The following FAM24B variants were observed in gnomAD, a reference collection of about 807,000 sequenced individuals.
FAM24B encodes family with sequence similarity 24 member B.
In FAM24B, 3 loss-of-function variants were observed where a neutral mutation model predicts 2.3. That is an observed-to-expected ratio of 1.29 (90% CI 0.59 to 3.32). The LOEUF (loss-of-function observed/expected upper bound fraction) is 3.32. Among genes scored for constraint, FAM24B ranks in the 30% most tolerant of loss-of-function variants. The pLI, the probability that FAM24B is intolerant of heterozygous loss-of-function variation, is 0.03. For synonymous variants in FAM24B, 36 were observed against 46.3 expected (o/e 0.78, Z 0.90); for missense variants, 98 against 117.2 (o/e 0.84, Z 0.76).
At chr10:122,849,464 A>T (rs1589666645) in intron 3 of FAM24B, 25 bp from the exon 4 acceptor site, 1 of 1,583,546 alleles carries the variant, frequency 6.3e-7, no homozygotes, top group Admixed American at 1.8e-5. Flanking sequence ...CACACAAAGC[A>T]CAGGCTTAGA....
rs375598108 is a variant in FAM24B at position 122,869,313 on chromosome 10, A to G, written c.-178+10172T>C. 7.2e-5 allele frequency among the ~76,000 whole-genome samples: 11 copies of G among 152,360 alleles called. No homozygotes were observed. The East Asian group carries it at 1.9e-3, about 27-fold the overall frequency. Reference sequence around the variant, plus strand: ...TCCTGAGTGACCTACAAAGAGACTTAGACTCCCACACAATAATAATGGGAG... The same window carrying G: ...TCCTGAGTGACCTACAAAGAGACTTGGACTCCCACACAATAATAATGGGAG... On this transcript the variant is annotated intron_variant, in intron 1 of 3. Coordinates refer to ENST00000368898, the MANE Select transcript of FAM24B (RefSeq NM_152644.3).
intron 1 of FAM24B, among the ~76,000 whole-genome samples, chr10:122,870,181 T>A (rs1847870070): frequency 6.6e-6 from 1 of 151,850 alleles, no homozygotes. Flanking sequence ...AACTAGAAAA[T>A]CTAGAAGAAA....
intron 1 of FAM24B, among the ~76,000 whole-genome samples, chr10:122,856,648 G>A (rs1477738831): frequency 6.6e-6 from 1 of 152,126 alleles, no homozygotes; most frequent in Non-Finnish European, 1.5e-5. Context: ...GTCTAGCCAT[G>A]CTGGGGAGTC....
chr10:122,866,433 T>G (rs1349116535), intron 1 of FAM24B, among the ~76,000 whole-genome samples: 1 of 151,880 alleles, frequency 6.6e-6, no homozygotes, highest in Non-Finnish European at 1.5e-5. Flanking sequence ...AGGCATACCT[T>G]GTTTTACTGT....
intron 1 of FAM24B, among the ~76,000 whole-genome samples, chr10:122,870,443 A>T (rs980581169): frequency 1.3e-5 from 2 of 152,220 alleles, no homozygotes; most frequent in Non-Finnish European, 2.9e-5. Context: ...TTATGAGGCC[A>T]GCATCATTCT....
chr10:122,870,344 T>C (rs1315449736), intron 1 of FAM24B, among the ~76,000 whole-genome samples: 1 of 152,186 alleles, frequency 6.6e-6, no homozygotes, highest in Non-Finnish European at 1.5e-5. Context: ...CACAGCCGAA[T>C]TCTACCAGAG....
chr10:122,849,419 G>A lies in FAM24B; in HGVS notation c.113C>T (p.Ala38Val). Residue 38 changes from alanine to valine, a missense_variant, in exon 4 of 4, where the codon GCT (alanine) becomes GTT (valine). Physicochemically the swap from Ala to Val is moderately conservative, Grantham distance 64. Coordinates refer to ENST00000368898, the MANE Select transcript of FAM24B (RefSeq NM_152644.3). Reference sequence around the variant, plus strand: ...TGGGTTGTGATTTTTTACAGCCACAGCTTCAGGTTCCTTTGCAGCTCTTGA... The same window carrying A: ...TGGGTTGTGATTTTTTACAGCCACAACTTCAGGTTCCTTTGCAGCTCTTGA... ...NALKAAKEPE[A>V]VAVKNHNPDK... The A allele has an allele frequency of 3.1e-6, 5 of 1,609,970 alleles. No homozygotes were observed. In the South Asian group the frequency reaches 5.5e-5, roughly 18 times the overall value.
chr10:122,872,792 G>T (rs1198338721), intron 1 of FAM24B, among the ~76,000 whole-genome samples: 1 of 152,130 alleles, frequency 6.6e-6, no homozygotes, highest in Non-Finnish European at 1.5e-5. Context: ...GTGGTGGGGT[G>T]GGAGGAGGGG....
chr10:122,855,122 C>G (rs1433717592), intron 2 of FAM24B: 1 of 152,202 alleles, frequency 6.6e-6, no homozygotes, highest in Non-Finnish European at 1.5e-5. Flanking sequence ...GGTTTTGCCC[C>G]AGAGAGAGGA....
intron 1 of FAM24B, among the ~76,000 whole-genome samples, chr10:122,858,983 C>T (rs1847685365): frequency 6.6e-6 from 1 of 152,194 alleles, no homozygotes; most frequent in African/African-American, 2.4e-5. Context: ...CTTCAGGTTT[C>T]CATCAGCGGT....
intron 2 of FAM24B, among the ~76,000 whole-genome samples, chr10:122,852,749 G>A (rs929042866): frequency 1.3e-5 from 2 of 152,206 alleles, no homozygotes; most frequent in East Asian, 3.9e-4. Context: ...GTGGAGGGGT[G>A]CTTTGGGACA....
chr10:122,871,674 G>C (rs1005985061), intron 1 of FAM24B, among the ~76,000 whole-genome samples: 12 of 152,046 alleles, frequency 7.9e-5, no homozygotes, highest in East Asian at 1.9e-4. Context: ...CTGACAAAAA[G>C]AAGAAATGGG....
intron 2 of FAM24B, among the ~76,000 whole-genome samples, chr10:122,854,055 T>A (rs1003142834): frequency 6.6e-6 from 1 of 152,220 alleles, no homozygotes; most frequent in Non-Finnish European, 1.5e-5. Context: ...GCACATGTTA[T>A]GATCAATGAC....
intron 1 of FAM24B, among the ~76,000 whole-genome samples, chr10:122,861,761 C>T (rs1178268806): frequency 6.6e-6 from 1 of 152,164 alleles, no homozygotes; most frequent in Admixed American, 6.5e-5. Context: ...TACACATGAG[C>T]AGTGAATTTT....
intron 2 of FAM24B, among the ~76,000 whole-genome samples, chr10:122,851,603 C>G (rs561141127): frequency 6.6e-6 from 1 of 152,342 alleles, no homozygotes; most frequent in Non-Finnish European, 1.5e-5. Context: ...AATACTCAAT[C>G]TCCCCTTTTC....
intron 1 of FAM24B, among the ~76,000 whole-genome samples, chr10:122,859,156 G>T (rs57083965): frequency 6.6e-6 from 1 of 152,114 alleles, no homozygotes; most frequent in Non-Finnish European, 1.5e-5. Context: ...AGATGGTTTA[G>T]TACTCAGACA....
chr10:122,855,810 C>T (rs1316708160), intron 1 of FAM24B, 24 bp from the exon 2 acceptor site: 3 of 152,236 alleles, frequency 2.0e-5, no homozygotes, highest in Admixed American at 6.5e-5. Context: ...AAGAGAACAG[C>T]TCAAGTACTC....
In FAM24B at chr10:122,870,928, T is replaced by C. The variant is rs867845629; in HGVS notation, c.-178+8557A>G. ...CCTATTCAACATAGTGTTGGAAGCT[T>C]TGGCCAGGGCAATCAGGCAGAAGAA... On this transcript the variant is annotated intron_variant, in intron 1 of 3. Coordinates refer to ENST00000368898, the MANE Select transcript of FAM24B (RefSeq NM_152644.3). Among the ~76,000 whole-genome samples the C allele has an allele frequency of 7.4e-3, 1,133 of 152,124 alleles. 6 individuals are homozygous for C. Among genetic ancestry groups the C allele is most frequent in the South Asian group, 0.015 (72 of 4,806 alleles).
chr10:122,871,861 C>T (rs1261677250), intron 1 of FAM24B, among the ~76,000 whole-genome samples: 1 of 152,150 alleles, frequency 6.6e-6, no homozygotes, highest in Admixed American at 6.5e-5. Context: ...CAATACCATT[C>T]AGGACATAGG....
Sources: allele counts gnomAD v4.1 joint callset (sites outside exome capture counted in the v4.1 genomes callset), GRCh38; gene constraint gnomAD v4.1.1; transcripts MANE v1.5; gene names NCBI Gene and HGNC (gene_info 2026-07-23, HGNC 2026-07-21).